PXDNL: variants seen among roughly 807,000 people sequenced by gnomAD.
PXDNL encodes the protein probable oxidoreductase PXDNL.
A neutral mutation model predicts 150.8 loss-of-function variants in PXDNL; 145 were observed. The ratio of observed to expected loss-of-function variants is 0.96; its 90% CI spans 0.84 to 1.10. PXDNL has a LOEUF of 1.10. Ranked by LOEUF, PXDNL falls within the 50% of genes least tolerant of loss-of-function variation. The pLI, the probability that PXDNL is intolerant of heterozygous loss-of-function variation, is 0.00. For synonymous variants in PXDNL, 757 were observed against 725.7 expected, an observed-to-expected ratio of 1.04 and a Z score of -0.69; for missense variants, 2,087 against 1,873.9, an observed-to-expected ratio of 1.11 and a Z score of -2.10.
intron 1 of PXDNL, among the ~76,000 whole-genome samples, chr8:51,775,650 A>G (rs1463865475): frequency 1.3e-5 from 2 of 152,238 alleles, no homozygotes; most frequent in Admixed American, 1.3e-4. Flanking sequence ...TCACTTCCCC[A>G]ATCAATACTC....
At chr8:51,680,369 A>G (rs1221710792) in intron 1 of PXDNL, among the ~76,000 whole-genome samples, 1 of 152,192 alleles carries the variant, frequency 6.6e-6, no homozygotes, top group African/African-American at 2.4e-5. Flanking sequence ...CAGAGTTTTC[A>G]TGAGTGCCTT....
At chr8:51,681,846 T>C (rs982904153) in intron 1 of PXDNL, among the ~76,000 whole-genome samples, 2 of 152,210 alleles carry the variant, frequency 1.3e-5, no homozygotes, top group African/African-American at 4.8e-5. Flanking sequence ...GTGGGCACCA[T>C]GTTTCCACTG....
intron 2 of PXDNL, among the ~76,000 whole-genome samples, chr8:51,619,362 G>A (rs756733575): frequency 6.6e-6 from 1 of 152,196 alleles, no homozygotes; most frequent in Admixed American, 6.5e-5. Context: ...AAAGGGTTTA[G>A]CCTCACACCC....
intron 1 of PXDNL, among the ~76,000 whole-genome samples, chr8:51,696,879 A>C (rs1816160316): frequency 3.7e-4 from 1 of 2,712 alleles, no homozygotes; most frequent in Non-Finnish European, 1.2e-3. Context: ...ATGTGCACAC[A>C]CACATTCTAC....
chr8:51,326,789 G>T (rs1805508415), intron 21 of PXDNL, among the ~76,000 whole-genome samples: 1 of 152,056 alleles, frequency 6.6e-6, no homozygotes, highest in East Asian at 1.9e-4. Context: ...GCTTGGGGTT[G>T]AGCTGCATCA....
intron 1 of PXDNL, among the ~76,000 whole-genome samples, chr8:51,666,559 G>C (rs1815391211): frequency 6.6e-6 from 1 of 151,804 alleles, no homozygotes; most frequent in Non-Finnish European, 1.5e-5. Context: ...CTACCCATTT[G>C]ACCTCTCTAA....
At chr8:51,527,917 C>A (rs1811802530) in intron 4 of PXDNL, among the ~76,000 whole-genome samples, 1 of 147,400 alleles carries the variant, frequency 6.8e-6, no homozygotes, top group African/African-American at 2.5e-5. Context: ...TCCTGGGTTC[C>A]AGTCCTGGCT....
At chr8:51,786,476 G>A (rs1248749430) in intron 1 of PXDNL, among the ~76,000 whole-genome samples, 1 of 151,998 alleles carries the variant, frequency 6.6e-6, no homozygotes, top group Non-Finnish European at 1.5e-5. Context: ...CCCAAAGTGT[G>A]GAAAAATATT....
At chr8:51,530,483 T>C (rs550248400) in intron 4 of PXDNL, among the ~76,000 whole-genome samples, 4 of 152,296 alleles carry the variant, frequency 2.6e-5, no homozygotes, top group East Asian at 1.9e-4. Context: ...AGATCTGTCA[T>C]TGCTCAGCTG....
chr8:51,729,137 C>A lies in PXDNL; in HGVS notation c.165-74377G>T, dbSNP rs76793133. Among the ~76,000 whole-genome samples the A allele has an allele frequency of 3.6e-3, 547 of 152,232 alleles. 5 individuals are homozygous for A. The highest frequency in any genetic ancestry group is 0.012 in the African/African-American group (519 of 41,528). On this transcript the variant is annotated intron_variant, in intron 1 of 22. Transcript: ENST00000356297. ...CACCTAATGATGCATTTCTCAGGAC[C>A]TACCCCCATTGTTAAGTAACACATA... is the stretch of plus-strand genomic sequence containing the variant.
At chr8:51,462,536 G>A (rs1467032742) in intron 8 of PXDNL, among the ~76,000 whole-genome samples, 7 of 152,100 alleles carry the variant, frequency 4.6e-5, no homozygotes, top group Non-Finnish European at 1.0e-4. Flanking sequence ...AGACCAAGCT[G>A]AGGCAAGAAT....
intron 22 of PXDNL, among the ~76,000 whole-genome samples, chr8:51,320,487 C>A (rs1805283663): frequency 6.6e-6 from 1 of 152,176 alleles, no homozygotes; most frequent in Non-Finnish European, 1.5e-5. Context: ...GAACTCAAGT[C>A]CCAGGTTGGC....
intron 4 of PXDNL, among the ~76,000 whole-genome samples, chr8:51,520,510 T>G (rs1207064626): frequency 6.6e-6 from 1 of 151,366 alleles, no homozygotes; most frequent in Non-Finnish European, 1.5e-5. Flanking sequence ...AGGACCCAAA[T>G]CTCCTCGGAA....
intron 19 of PXDNL, among the ~76,000 whole-genome samples, chr8:51,347,933 G>T (rs1259332959): frequency 6.6e-6 from 1 of 152,034 alleles, no homozygotes; most frequent in African/African-American, 2.4e-5. Context: ...TATTTACGAA[G>T]AATACAACTA....
At chr8:51,343,011 G>A (rs1391938909) in intron 20 of PXDNL, among the ~76,000 whole-genome samples, 5 of 151,904 alleles carry the variant, frequency 3.3e-5, no homozygotes, top group African/African-American at 1.2e-4. Context: ...TAGAAGAGAG[G>A]CAACGAGCCC....
intron 1 of PXDNL, among the ~76,000 whole-genome samples, chr8:51,737,068 C>G (rs965643988): frequency 7.2e-5 from 11 of 152,160 alleles, no homozygotes; most frequent in Non-Finnish European, 1.5e-4. Context: ...TTCATTCCCA[C>G]AAATTTGGCA....
intron 1 of PXDNL, among the ~76,000 whole-genome samples, chr8:51,780,138 G>A (rs991949312): frequency 5.9e-5 from 9 of 152,152 alleles, no homozygotes; most frequent in African/African-American, 1.7e-4. Context: ...CTTGAATTCA[G>A]GAGGTAGAGG....
At chr8:51,675,571 G>T (rs1815596368) in intron 1 of PXDNL, among the ~76,000 whole-genome samples, 1 of 151,852 alleles carries the variant, frequency 6.6e-6, no homozygotes, top group African/African-American at 2.4e-5. Flanking sequence ...GAGGCAGGCG[G>T]ATCATAAGGT....
intron 1 of PXDNL, among the ~76,000 whole-genome samples, chr8:51,672,067 C>T (rs891989280): frequency 6.6e-6 from 1 of 152,232 alleles, no homozygotes; most frequent in Middle Eastern, 3.4e-3. Flanking sequence ...CCACAAAATT[C>T]GCCTCCCAGG....
Sources: allele counts gnomAD v4.1 joint callset (sites outside exome capture counted in the v4.1 genomes callset), GRCh38; gene constraint gnomAD v4.1.1; transcripts MANE v1.5; gene names NCBI Gene and HGNC (gene_info 2026-07-23, HGNC 2026-07-21).